The following PSMC4 variants were observed in gnomAD, a reference collection of about 807,000 sequenced individuals.
PSMC4 encodes the protein proteasome 26S subunit, ATPase 4, also known as 26S proteasome regulatory subunit 6B.
In PSMC4, 13 loss-of-function variants were observed where a neutral mutation model predicts 48.4. The observed-to-expected ratio is 0.27, with a 90% CI of 0.18 to 0.43. PSMC4 has a LOEUF of 0.43. Ranked by LOEUF, PSMC4 falls within the 20% of genes least tolerant of loss-of-function variation. The probability of loss-of-function intolerance (pLI) is 1.00; values close to 1 mark genes in which losing one functional copy is unlikely to be tolerated. For synonymous variants in PSMC4, 202 were observed against 212.3 expected (o/e 0.95, Z 0.42); for missense variants, 262 against 555.9 (o/e 0.47, Z 5.32).
Position 39,974,641 on chromosome 19 carries a change from G to A in PSMC4, c.579+8G>A, listed in dbSNP as rs779927365. The A allele has an allele frequency of 1.2e-5, 20 of 1,613,626 alleles. No individual in the cohort carries two copies. The highest frequency in any genetic ancestry group is 1.5e-5 in the Non-Finnish European group (18 of 1,179,652). ...TTCGAGCTCTACAAGCAGGTGAGGC[G>A]GTGCAGGTGGCAGGGAAGGGAGAGG... On this transcript the variant is annotated splice_region_variant and intron_variant, in intron 5 of 10. Transcript: ENST00000157812. This position sits in a 1 kb window ranked among gnomAD's most constrained non-coding sequence, Gnocchi z 5.5.
At chr19:39,979,611 C>T in intron 6 of PSMC4, 1 of 406,538 alleles carries the variant, frequency 2.5e-6, no homozygotes, top group Non-Finnish European at 4.2e-6. Context: ...ATGATTTAGG[C>T]CACTGGGTCA....
In PSMC4 at chr19:39,979,958, C is replaced by CCA; in HGVS notation, c.816_817dup (p.Lys273ThrfsTer22). The CCA allele has an allele frequency of 6.2e-7, 1 of 1,614,050 alleles. No homozygotes were observed. The highest frequency in any genetic ancestry group is 8.5e-7 in the Non-Finnish European group (1 of 1,179,990). ...ATAGACGAGATTGATGCCATCGCCACCAAGAGATTCGATGCTCAGACAGGG... is the reference window on the plus strand; with the variant it reads ...ATAGACGAGATTGATGCCATCGCCACCACAAGAGATTCGATGCTCAGACAGGG... On this transcript the variant is annotated frameshift_variant, in exon 7 of 11. Transcript: ENST00000157812. LOFTEE classifies it high-confidence loss of function.
intron 6 of PSMC4, among the ~76,000 whole-genome samples, chr19:39,977,809 G>A (rs908218610): frequency 2.6e-5 from 4 of 151,726 alleles, no homozygotes; most frequent in East Asian, 1.9e-4. Flanking sequence ...CCAATAGTGC[G>A]AGATTCTGTT....
At chr19:39,971,544 A>G (rs1041268270) in intron 1 of PSMC4, among the ~76,000 whole-genome samples, 1 of 152,032 alleles carries the variant, frequency 6.6e-6, no homozygotes, top group African/African-American at 2.4e-5. Context: ...GGATTGGGTC[A>G]GGCGGTGAGT....
Position 39,973,005 on chromosome 19 carries a change from G to A in PSMC4, c.322+450G>A, listed in dbSNP as rs144710967. Among the ~76,000 whole-genome samples the A allele has an allele frequency of 3.7e-3, 562 of 152,156 alleles. 4 individuals are homozygous for A. Among genetic ancestry groups the A allele is most frequent in the Middle Eastern group, 0.014 (4 of 294 alleles). ...AGGCGATCCACCCGCCTCACCCTCC[G>A]AAAGTGTTGGGATTACAGGCCTGAG... On this transcript the variant is annotated intron_variant, in intron 3 of 10. Coordinates refer to ENST00000157812, the MANE Select transcript of PSMC4 (RefSeq NM_006503.4).
intron 1 of PSMC4, 139 bp downstream of exon 1, chr19:39,971,377 TG>T (rs1971098310): frequency 9.6e-7 from 1 of 1,039,952 alleles, no homozygotes; most frequent in African/African-American, 1.6e-5. Context: ...TGGAGAGCTT[TG>T]TGCCATTCGA....
intron 2 of PSMC4, 30 bp downstream of exon 2, chr19:39,972,274 A>AC: frequency 6.2e-7 from 1 of 1,610,788 alleles, no homozygotes; most frequent in Non-Finnish European, 8.5e-7. Context: ...CAGACCTTGC[A>AC]CAGGACCTGA....
intron 1 of PSMC4, 103 bp downstream of exon 1, chr19:39,971,341 G>A: frequency 6.9e-7 from 1 of 1,455,518 alleles, no homozygotes; most frequent in Non-Finnish European, 9.6e-7. Flanking sequence ...CCCCGGCCCA[G>A]GTTGGGGTTA....
Position 39,980,859 on chromosome 19 carries a change from G to T in PSMC4, c.1143+142G>T, listed in dbSNP as rs1206542511. ...CTCTCTTCCTCTACCATCACTAGGG[G>T]TGGATAGTACAGGGGTAGTGTTTTT... On this transcript the variant is annotated intron_variant, in intron 10 of 10. Transcript: ENST00000157812. This position sits in a 1 kb window ranked among gnomAD's most constrained non-coding sequence, Gnocchi z 4.8. The T allele has an allele frequency of 1.2e-6, 1 of 839,432 alleles. No homozygotes were observed. Among genetic ancestry groups the T allele is most frequent in the South Asian group, 1.5e-5 (1 of 68,890 alleles). 52.0% of individuals were successfully genotyped at this position (839,432 alleles called of 1,614,324 possible).
chr19:39,974,649 T>G lies in PSMC4; in HGVS notation c.579+16T>G, dbSNP rs1302151364. The G allele has an allele frequency of 6.2e-7, 1 of 1,613,218 alleles. No homozygotes were observed. Among genetic ancestry groups the G allele is most frequent in the Non-Finnish European group, 8.5e-7 (1 of 1,179,366 alleles). Reference sequence around the variant, plus strand: ...CTACAAGCAGGTGAGGCGGTGCAGGTGGCAGGGAAGGGAGAGGCCCCATTG... The same window carrying G: ...CTACAAGCAGGTGAGGCGGTGCAGGGGGCAGGGAAGGGAGAGGCCCCATTG... On this transcript the variant is annotated intron_variant, in intron 5 of 10. Coordinates refer to ENST00000157812, the MANE Select transcript of PSMC4 (RefSeq NM_006503.4). The surrounding 1 kb of genome is among the most constrained non-coding windows in gnomAD (Gnocchi z 5.5).
rs920133066 is a variant in PSMC4, at chr19:39,981,434, C to T, written c.*129C>T. The T allele has an allele frequency of 6.9e-5, 45 of 649,076 alleles. No individual in the cohort carries two copies. Among genetic ancestry groups the T allele is most frequent in the East Asian group, 1.1e-4 (4 of 36,188 alleles). 40.2% of individuals were successfully genotyped at this position (649,076 alleles called of 1,614,324 possible). A position where few individuals can be genotyped will look rare whatever the true frequency, so the allele number is the denominator to read the frequency against. On this transcript the variant is annotated 3_prime_UTR_variant, in exon 11 of 11. Transcript: ENST00000157812. ...GGTTTCTTCAATAAATAGATAAGATCGAATCCATTTAATTTCTTCTTAGAA... is the reference window on the plus strand; with the variant it reads ...GGTTTCTTCAATAAATAGATAAGATTGAATCCATTTAATTTCTTCTTAGAA...
intron 2 of PSMC4, 24 bp downstream of exon 2, chr19:39,972,268 C>G (rs371686523): frequency 6.2e-7 from 1 of 1,611,524 alleles, no homozygotes; most frequent in African/African-American, 1.3e-5. Context: ...CCAACCCAGA[C>G]CTTGCACAGG....
Position 39,980,413 on chromosome 19 carries a change from C to G in PSMC4, c.1046C>G (p.Thr349Ser). 6.2e-7 allele frequency: 1 copy of G among 1,614,152 alleles called. No homozygotes were observed. Among genetic ancestry groups the G allele is most frequent in the Non-Finnish European group, 8.5e-7 (1 of 1,180,042 alleles). Residue 349 changes from threonine to serine, a missense_variant, in exon 9 of 11, where the codon ACT (threonine) becomes AGT (serine). By Grantham distance (58) the Thr-to-Ser change is moderately conservative. Around this residue, in one of 4 missense-constraint regions of PSMC4, gnomAD observed 84 missense variants for 157.8 expected, o/e 0.53. Coordinates refer to ENST00000157812, the MANE Select transcript of PSMC4 (RefSeq NM_006503.4). The surrounding 1 kb of genome is among the most constrained non-coding windows in gnomAD (Gnocchi z 4.8). The stretch of plus-strand genomic sequence containing the variant: ...AAGAGATTGATTTTCTCCACTATCA[C>G]TAGCAAGATGAACCTCTCTGAGGAG... ...RQKRLIFSTI[T>S]SKMNLSEEVD... is the part of the protein sequence containing the mutation.
rs1436664065 is a variant in PSMC4, at chr19:39,981,174, ACT to A, written c.1144-14_1144-13del. ...GCCCTGCCACAGGAAGTAGATTTTAACTCTCATCCTTCAACAGAGTGGAATGT... is the reference window on the plus strand; with the variant it reads ...GCCCTGCCACAGGAAGTAGATTTTAACTCATCCTTCAACAGAGTGGAATGT... On this transcript the variant is annotated splice_polypyrimidine_tract_variant and intron_variant, in intron 10 of 10. Coordinates refer to ENST00000157812, the MANE Select transcript of PSMC4 (RefSeq NM_006503.4). 4 of 1,598,906 alleles carry A rather than the reference ACT, an allele frequency of 2.5e-6. No individual in the cohort carries two copies. The highest frequency in any genetic ancestry group is 3.4e-6 in the Non-Finnish European group (4 of 1,166,654).
intron 1 of PSMC4, 89 bp downstream of exon 1, chr19:39,971,327 A>C: frequency 6.6e-7 from 1 of 1,520,878 alleles, no homozygotes; most frequent in Non-Finnish European, 9.1e-7. Context: ...AATGGCTTCC[A>C]GGACCCCGGC....
chr19:39,976,450 C>T (rs1038316447), intron 6 of PSMC4, among the ~76,000 whole-genome samples: 1 of 144,076 alleles, frequency 6.9e-6, no homozygotes, highest in African/African-American at 2.5e-5. Context: ...GTAAACAGAA[C>T]ACCTCCTTAT....
At chr19:39,975,946 G>T (rs1212599916) in intron 6 of PSMC4, among the ~76,000 whole-genome samples, 3 of 152,132 alleles carry the variant, frequency 2.0e-5, no homozygotes, top group East Asian at 3.9e-4. Flanking sequence ...GCCAGGATGT[G>T]TTGTAGATGC....
At position 39,981,219 on chromosome 19, in the gene PSMC4, C is replaced by T. The variant is rs1424317805; in HGVS notation, c.1171C>T (p.Arg391Cys). 16 of 1,613,838 alleles carry T rather than the reference C, an allele frequency of 9.9e-6. No homozygotes were observed. The highest frequency in any genetic ancestry group is 1.4e-5 in the Non-Finnish European group (16 of 1,179,950). Residue 391 changes from arginine (R) to cysteine (C), a missense_variant, in exon 11 of 11, where the codon CGC becomes TGC. By Grantham distance (180) the Arg-to-Cys change is radical. Coordinates refer to ENST00000157812, the MANE Select transcript of PSMC4 (RefSeq NM_006503.4). The stretch of plus-strand genomic sequence containing the variant: ...TGGAATGTTGGCTGTCCGTGAAAAC[C>T]GCTACATTGTCCTGGCCAAGGACTT... ...ESGMLAVRENRYIVLAKDFEK... is the reference protein window; with the variant it reads ...ESGMLAVRENCYIVLAKDFEK...
At position 39,980,243 on chromosome 19, in the gene PSMC4, G is replaced by T. The variant is rs778191180; in HGVS notation, c.919-43G>T. The stretch of plus-strand genomic sequence containing the variant: ...GGGTGGTTATCGTGACAGGAAGGAG[G>T]TAGGAGTGCAGAGATCTGAGCTGGC... On this transcript the variant is annotated intron_variant, in intron 8 of 10. Coordinates refer to ENST00000157812, the MANE Select transcript of PSMC4 (RefSeq NM_006503.4). This position sits in a 1 kb window ranked among gnomAD's most constrained non-coding sequence, Gnocchi z 4.8. The T allele has an allele frequency of 1.5e-5, 24 of 1,613,564 alleles. No homozygotes were observed. The highest frequency in any genetic ancestry group is 1.1e-4 in the South Asian group (10 of 91,064).
Sources: allele counts gnomAD v4.1 joint callset (sites outside exome capture counted in the v4.1 genomes callset), GRCh38; gene constraint gnomAD v4.1.1; regional missense constraint gnomAD v4.1.1; non-coding constraint Gnocchi (gnomAD v3.1); transcripts MANE v1.5; gene names NCBI Gene and HGNC (gene_info 2026-07-23, HGNC 2026-07-21).